Variants in GLIS2 observed in about 807,000 individuals in gnomAD.
The protein encoded by GLIS2 is GLIS family zinc finger 2.
A neutral mutation model predicts 35.6 loss-of-function variants in GLIS2; 14 were observed. The observed-to-expected ratio is 0.39, with a 90% CI of 0.26 to 0.61. GLIS2 has a LOEUF of 0.61. GLIS2 is among the 20% of genes least tolerant of loss of function. The pLI is 0.48. For missense variants in GLIS2, 675 were observed against 713.4 expected, an observed-to-expected ratio of 0.95 and a Z score of 0.61; for synonymous variants, 368 against 325.1, an observed-to-expected ratio of 1.13 and a Z score of -1.42.
chr16:4,319,849 G>T (rs2053358338), intron 1 of GLIS2, among the ~76,000 whole-genome samples: 1 of 149,884 alleles, frequency 6.7e-6, no homozygotes, highest in Non-Finnish European at 1.5e-5. Flanking sequence ...GGCAGGCACG[G>T]AGGCCGGGTA....
At chr16:4,331,899 T>A (rs955879172) in intron 1 of GLIS2, 2 of 360,718 alleles carry the variant, frequency 5.5e-6, no homozygotes, top group Admixed American at 7.5e-5. Context: ...CAGTGAGCTA[T>A]GATTGTGCCA....
At chr16:4,333,561 T>C (rs1325562589) in intron 3 of GLIS2, 42 bp downstream of exon 3, 1 of 1,572,446 alleles carries the variant, frequency 6.4e-7, no homozygotes, top group Non-Finnish European at 8.6e-7. Context: ...GTGGACTGGT[T>C]TCCTGGGGTT....
Position 4,336,713 on chromosome 16 carries a change from A to T in GLIS2, c.776-12A>T, listed in dbSNP as rs2053555385. 1 of 1,586,502 alleles carries T rather than the reference A, an allele frequency of 6.3e-7. No homozygotes were observed. The highest frequency in any genetic ancestry group is 1.3e-5 in the African/African-American group (1 of 74,200). On this transcript the variant is annotated splice_polypyrimidine_tract_variant and intron_variant, in intron 6 of 6. Coordinates refer to ENST00000433375, the MANE Select transcript of GLIS2 (RefSeq NM_032575.3). The stretch of plus-strand genomic sequence containing the variant: ...ACCCCTCATGGCGGCACTGCACTGC[A>T]CCACCCTGCAGGTGAGAAGCCCTAC...
intron 1 of GLIS2, among the ~76,000 whole-genome samples, chr16:4,317,670 G>T (rs1204019562): frequency 6.6e-6 from 1 of 152,002 alleles, no homozygotes; most frequent in African/African-American, 2.4e-5. Context: ...AGGGGGAGGG[G>T]CTGCACCTGG....
chr16:4,338,205 C>T lies in GLIS2; in HGVS notation c.*681C>T, dbSNP rs371452669. 3.9e-5 allele frequency: 6 copies of T among 153,864 alleles called. No homozygotes were observed. The highest frequency in any genetic ancestry group is 1.4e-4 in the African/African-American group (6 of 41,568). The allele number at this position is 153,864 out of a possible 1,614,324, so 9.5% of individuals were successfully genotyped here. A position where few individuals can be genotyped will look rare whatever the true frequency, so the allele number is the denominator to read the frequency against. On this transcript the variant is annotated 3_prime_UTR_variant, in exon 7 of 7. Coordinates refer to ENST00000433375, the MANE Select transcript of GLIS2 (RefSeq NM_032575.3). ...TGCAGTACCAGACGGGATAGCTGGCCACTCCACCCCTGCACCCCAGGGTCT... is the reference window on the plus strand; with the variant it reads ...TGCAGTACCAGACGGGATAGCTGGCTACTCCACCCCTGCACCCCAGGGTCT...
intron 3 of GLIS2, 27 bp downstream of exon 3, chr16:4,333,546 GA>G: frequency 1.3e-6 from 2 of 1,596,088 alleles, no homozygotes; most frequent in East Asian, 2.2e-5. Flanking sequence ...GTTCCGGAGA[GA>G]GGGGTGGACT....
chr16:4,321,378 C>A (rs982126642), intron 1 of GLIS2, among the ~76,000 whole-genome samples: 2 of 152,238 alleles, frequency 1.3e-5, no homozygotes, highest in African/African-American at 4.8e-5. Context: ...TGGGCACGAA[C>A]CCCTCCATAC....
chr16:4,317,914 G>A (rs966941454), intron 1 of GLIS2, among the ~76,000 whole-genome samples: 4 of 152,080 alleles, frequency 2.6e-5, no homozygotes, highest in Non-Finnish European at 5.9e-5. Flanking sequence ...GTGCCTGCCC[G>A]CCCTTCCCTG....
At chr16:4,333,254 C>A (rs957845793) in intron 2 of GLIS2, 93 bp from the exon 3 acceptor site, 15 of 1,440,162 alleles carry the variant, frequency 1.0e-5, no homozygotes, top group Middle Eastern at 3.7e-4. Context: ...CTGGTGTCTG[C>A]TCCCAAGGTC....
At chr16:4,336,617 T>C (rs1420929819) in intron 6 of GLIS2, 108 bp from the exon 7 acceptor site, 5 of 1,126,176 alleles carry the variant, frequency 4.4e-6, no homozygotes, top group Non-Finnish European at 6.5e-6. Flanking sequence ...AATTGGGGCA[T>C]CTATGTTCCC....
At chr16:4,331,876 G>A in intron 1 of GLIS2, 1 of 312,396 alleles carries the variant, frequency 3.2e-6, no homozygotes, top group South Asian at 3.0e-5. Flanking sequence ...TTGAGCCTAG[G>A]AGGTCGAGGC....
At position 4,337,230 on chromosome 16, in the gene GLIS2, C is replaced by T; in HGVS notation, c.1281C>T (p.Gly427=). ...CGCCCTTTGGGGCTGGCGGACTGGG[C>T]TTGCCTGTGGTCTCCCTCCTTGCTG... The part of the protein sequence containing the change: ...LPSPFGAGGL[G]LPVVSLLAGA... The change falls in exon 7 of 7, where the codon GGC becomes GGT. Residue 427 remains glycine, a synonymous_variant. Transcript: ENST00000433375. 1 of 1,547,610 alleles carries T rather than the reference C, an allele frequency of 6.5e-7. No homozygotes were observed. Among genetic ancestry groups the T allele is most frequent in the Non-Finnish European group, 8.7e-7 (1 of 1,147,092 alleles).
intron 3 of GLIS2, among the ~76,000 whole-genome samples, chr16:4,334,066 C>G (rs1325530612): frequency 6.6e-6 from 1 of 152,106 alleles, no homozygotes; most frequent in Non-Finnish European, 1.5e-5. Context: ...CCTCAGCCTC[C>G]CAAGCTGGGA....
At position 4,333,375 on chromosome 16, in the gene GLIS2, G is replaced by C; in HGVS notation, c.201G>C (p.Glu67Asp). The change falls in exon 3 of 7, where the codon GAG becomes GAC. Residue 67 changes from glutamate to aspartate, a missense_variant. Physicochemically the swap from Glu to Asp is conservative, Grantham distance 45. Around this residue, in one of 3 missense-constraint regions of GLIS2, gnomAD observed 225 missense variants for 238.7 expected, o/e 0.94. Transcript: ENST00000433375. ...TCCTGCTGAACTCCAAGTTCCCCGA[G>C]AAGGTGGAGGGACGCTTTTCAGCAG... ...SGFLLNSKFPEKVEGRFSAAP... is the reference protein window; with the variant it reads ...SGFLLNSKFPDKVEGRFSAAP... The C allele has an allele frequency of 6.2e-7, 1 of 1,613,116 alleles. No homozygotes were observed.
In GLIS2 at chr16:4,334,036, G is replaced by A. The variant is rs963680458; in HGVS notation, c.345+517G>A. 4.6e-5 allele frequency among the ~76,000 whole-genome samples: 7 copies of A among 151,694 alleles called. No homozygotes were observed. In the East Asian group the frequency reaches 7.8e-4, roughly 17 times the overall value. ...CAGCTCACTGCAACCTCCGCCTCCC[G>A]GGTTCAAGCGATTCTCCTGCCTCAG... On this transcript the variant is annotated intron_variant, in intron 3 of 6. Transcript: ENST00000433375.
upstream of GLIS2, among the ~76,000 whole-genome samples, chr16:4,316,053 C>G (rs1370741705): frequency 4.1e-5 from 6 of 144,584 alleles, no homozygotes; most frequent in Admixed American, 3.4e-4. Context: ...CCGCACGGCC[C>G]GGCCGCCGCG....
chr16:4,331,416 A>G (rs945355281), intron 1 of GLIS2: 2 of 152,274 alleles, frequency 1.3e-5, no homozygotes, highest in Non-Finnish European at 2.9e-5. Flanking sequence ...ATCTATAGAA[A>G]CTATGCTAAT....
Position 4,336,965 on chromosome 16 carries a change from T to A in GLIS2, c.1016T>A (p.Leu339Gln). The A allele has an allele frequency of 6.2e-7, 1 of 1,611,030 alleles. No homozygotes were observed. The highest frequency in any genetic ancestry group is 8.5e-7 in the Non-Finnish European group (1 of 1,179,410). Residue 339 changes from leucine (L) to glutamine (Q), a missense_variant, in exon 7 of 7, where the codon CTG becomes CAG. Physicochemically the swap from Leu to Gln is moderately radical, Grantham distance 113. This residue lies in a region of GLIS2 where 317 missense variants were observed against 283.2 expected (regional missense o/e 1.12). Coordinates refer to ENST00000433375, the MANE Select transcript of GLIS2 (RefSeq NM_032575.3). ...LQLRPPPKPP[L>Q]PAPDGGPYVS... ...CTGCGCCCACCCCCCAAGCCGCCAC[T>A]GCCCGCCCCCGACGGCGGCCCCTAT...
In GLIS2 at chr16:4,320,882, G is replaced by A. The variant is rs890941108; in HGVS notation, c.-67+4628G>A. ...GCCCCGGCCTCCCCCAGCACCCCCC[G>A]GAGCACCTAGTGGTCACCCTGCTTG... On this transcript the variant is annotated intron_variant, in intron 1 of 6. Transcript: ENST00000433375. The surrounding 1 kb of genome is among the most constrained non-coding windows in gnomAD (Gnocchi z 5.6). Among the ~76,000 whole-genome samples the A allele has an allele frequency of 5.9e-5, 9 of 152,092 alleles. No individual in the cohort carries two copies. Among genetic ancestry groups the A allele is most frequent in the Admixed American group, 3.3e-4 (5 of 15,286 alleles).
Sources: allele counts gnomAD v4.1 joint callset (sites outside exome capture counted in the v4.1 genomes callset), GRCh38; gene constraint gnomAD v4.1.1; regional missense constraint gnomAD v4.1.1; non-coding constraint Gnocchi (gnomAD v3.1); transcripts MANE v1.5; gene names NCBI Gene and HGNC (gene_info 2026-07-23, HGNC 2026-07-21).